The following CRACDL variants were observed in gnomAD, a reference collection of about 807,000 sequenced individuals.
CRACDL encodes the protein CRACD-like protein.
A neutral mutation model predicts 70.6 loss-of-function variants in CRACDL; 26 were observed. The observed-to-expected ratio is 0.37, with a 90% CI of 0.27 to 0.51. The LOEUF is 0.51. CRACDL is among the 20% of genes least tolerant of loss of function. The pLI is 0.94. For missense variants in CRACDL, 1,283 were observed against 1,376.9 expected, an observed-to-expected ratio of 0.93 and a Z score of 1.08; for synonymous variants, 618 against 615.2, an observed-to-expected ratio of 1.00 and a Z score of -0.07.
chr2:98,832,738 G>C, intron 4 of CRACDL, 124 bp downstream of exon 4: 1 of 1,261,352 alleles, frequency 7.9e-7, no homozygotes, highest in South Asian at 1.2e-5. Context: ...TGTCCTGGGG[G>C]AGCTGTCATG....
chr2:98,863,240 G>C (rs577530299), intron 1 of CRACDL, among the ~76,000 whole-genome samples: 1 of 152,268 alleles, frequency 6.6e-6, no homozygotes, highest in South Asian at 2.1e-4. Context: ...AAGGTAGTAG[G>C]CTGATATGTT....
intron 1 of CRACDL, among the ~76,000 whole-genome samples, chr2:98,857,839 G>GTGTGTGTGTATGTA (rs1316801400): frequency 6.6e-5 from 10 of 152,174 alleles, no homozygotes; most frequent in African/African-American, 2.4e-4. Flanking sequence ...ATGTATGTAT[G>GTGTGTGTGTATGTA]TGTATGTGTA....
chr2:98,795,077 A>ATTTTTTTT lies in CRACDL; in HGVS notation c.2750-414_2750-407dup, dbSNP rs1181969802. ...TATATATATATATATATATATATAT[A>ATTTTTTTT]TTTTTTTTTTTTTTTGAGACAGAAG... On this transcript the variant is annotated intron_variant, in intron 9 of 9. Transcript: ENST00000397899. Among the ~76,000 whole-genome samples, 191 of 58,398 alleles carry ATTTTTTTT rather than the reference A, an allele frequency of 3.3e-3. 20 individuals carry two copies. Among genetic ancestry groups the ATTTTTTTT allele is most frequent in the East Asian group, 7.4e-3 (12 of 1,632 alleles). 38.3% of individuals were successfully genotyped at this position (58,398 alleles called of 152,430 possible).
intron 7 of CRACDL, among the ~76,000 whole-genome samples, chr2:98,812,232 C>G (rs1704598045): frequency 1.3e-5 from 2 of 152,196 alleles, no homozygotes; most frequent in Admixed American, 1.3e-4. Flanking sequence ...ACCTTGGCCT[C>G]CCAAAGTGCT....
intron 1 of CRACDL, among the ~76,000 whole-genome samples, chr2:98,895,114 A>G (rs1392314932): frequency 1.3e-5 from 2 of 152,114 alleles, no homozygotes; most frequent in African/African-American, 4.8e-5. Context: ...TGTCTTAAAA[A>G]AAAACAAAAA....
chr2:98,858,205 C>T (rs752705222), intron 1 of CRACDL, among the ~76,000 whole-genome samples: 6 of 152,016 alleles, frequency 3.9e-5, no homozygotes, highest in African/African-American at 4.8e-5. Context: ...TAAACACCTA[C>T]GTAAAAAAGA....
At chr2:98,831,561 C>G (rs893749126) in intron 5 of CRACDL, among the ~76,000 whole-genome samples, 1 of 152,240 alleles carries the variant, frequency 6.6e-6, no homozygotes, top group East Asian at 1.9e-4. Flanking sequence ...AACTCCAACT[C>G]TATCCATCCT....
chr2:98,930,144 G>A (rs751964886), intron 1 of CRACDL, among the ~76,000 whole-genome samples: 4 of 152,100 alleles, frequency 2.6e-5, no homozygotes, highest in African/African-American at 7.2e-5. Context: ...ACGACGGGGC[G>A]TATGTCTTGG....
chr2:98,870,161 C>T (rs1707291493), intron 1 of CRACDL, among the ~76,000 whole-genome samples: 1 of 152,188 alleles, frequency 6.6e-6, no homozygotes, highest in Non-Finnish European at 1.5e-5. Flanking sequence ...CCAACTGCAA[C>T]CGGTACAGTC....
chr2:98,911,728 C>T (rs767566789), intron 1 of CRACDL, among the ~76,000 whole-genome samples: 5 of 152,136 alleles, frequency 3.3e-5, no homozygotes, highest in Non-Finnish European at 5.9e-5. Flanking sequence ...GGGCAGAAAC[C>T]ATCTGGCTTA....
chr2:98,832,906 C>T lies in CRACDL; in HGVS notation c.331G>A (p.Val111Met). The change falls in exon 4 of 10, where the codon GTG becomes ATG. Residue 111 changes from valine to methionine, a missense_variant. This residue lies in a region of CRACDL where 362 missense variants were observed against 495.0 expected (regional missense o/e 0.73). Transcript: ENST00000397899. ...TCACACACATTTTCTTGGGAAAACA[C>T]CCGCACAGGCCGAGTAGCGTCCTGT... ...SGQDATRPVRVFSQENVCDRI... is the reference protein window; with the variant it reads ...SGQDATRPVRMFSQENVCDRI... 6.2e-7 allele frequency: 1 copy of T among 1,614,200 alleles called. No homozygotes were observed.
intron 6 of CRACDL, among the ~76,000 whole-genome samples, chr2:98,824,717 T>C (rs1705236537): frequency 6.6e-6 from 1 of 152,254 alleles, no homozygotes; most frequent in Admixed American, 6.5e-5. Context: ...TTCTTCTTGC[T>C]GTTTGTTATT....
intron 1 of CRACDL, among the ~76,000 whole-genome samples, chr2:98,878,365 C>T (rs189528176): frequency 6.6e-6 from 1 of 152,306 alleles, no homozygotes; most frequent in African/African-American, 2.4e-5. Context: ...TACACACAAA[C>T]TTACCATTGT....
At chr2:98,846,122 AT>A (rs1056909637) in intron 2 of CRACDL, among the ~76,000 whole-genome samples, 2 of 152,160 alleles carry the variant, frequency 1.3e-5, no homozygotes, top group Non-Finnish European at 2.9e-5. Flanking sequence ...GGGGAGATTA[AT>A]TTTTTAATGT....
At chr2:98,913,410 G>A (rs1196342499) in intron 1 of CRACDL, among the ~76,000 whole-genome samples, 1 of 152,174 alleles carries the variant, frequency 6.6e-6, no homozygotes, top group Non-Finnish European at 1.5e-5. Context: ...CAGGTCCCTG[G>A]GCAGAGAGGA....
At chr2:98,863,306 C>G (rs1247992574) in intron 1 of CRACDL, among the ~76,000 whole-genome samples, 1 of 152,042 alleles carries the variant, frequency 6.6e-6, no homozygotes, top group Non-Finnish European at 1.5e-5. Flanking sequence ...GCAAAAGTAT[C>G]CTTGAAAAGT....
chr2:98,931,062 C>T (rs1164292316), intron 1 of CRACDL, among the ~76,000 whole-genome samples: 8 of 152,138 alleles, frequency 5.3e-5, no homozygotes, highest in African/African-American at 9.7e-5. Flanking sequence ...TGGTGGCTTA[C>T]GCCTGTAATC....
chr2:98,822,241 C>T lies in CRACDL; in HGVS notation c.2032G>A (p.Asp678Asn), dbSNP rs1167720040. The change falls in exon 7 of 10, where the codon GAC (aspartate) becomes AAC (asparagine). Residue 678 changes from aspartate to asparagine, a missense_variant. Around this residue, in one of 2 missense-constraint regions of CRACDL, gnomAD observed 921 missense variants for 881.9 expected, o/e 1.04. Coordinates refer to ENST00000397899, the MANE Select transcript of CRACDL (RefSeq NM_207362.3). The surrounding 1 kb of genome is among the most constrained non-coding windows in gnomAD (Gnocchi z 4.9). ...PAAQEPAPSE[D>N]RNPFPVKLRS... ...AGCTTGACGGGGAAGGGGTTTCTGT[C>T]CTCACTCGGGGCCGGCTCCTGGGCG... The T allele has an allele frequency of 5.0e-6, 8 of 1,601,964 alleles. No homozygotes were observed. The Admixed American group carries it at 6.7e-5, about 13-fold the overall frequency.
Position 98,914,140 on chromosome 2 carries a change from G to A in CRACDL, c.-11+21798C>T, listed in dbSNP as rs535698628. Among the ~76,000 whole-genome samples, 158 of 152,342 alleles carry A rather than the reference G, an allele frequency of 1.0e-3. 1 individual carries two copies. The highest frequency in any genetic ancestry group is 1.2e-3 in the Non-Finnish European group (79 of 68,024). ...TCTCATGACTAGGAGCCAGGAAGCC[G>A]AGGCAGGAGCCAGGTAGGGGGAGGA... is the stretch of plus-strand genomic sequence containing the variant. On this transcript the variant is annotated intron_variant, in intron 1 of 9. Coordinates refer to ENST00000397899, the MANE Select transcript of CRACDL (RefSeq NM_207362.3).
Sources: gnomAD v4.1 joint callset for allele counts (sites outside exome capture counted in the v4.1 genomes callset) on GRCh38, gnomAD v4.1.1 for gene constraint, gnomAD v4.1.1 regional missense constraint, Gnocchi (gnomAD v3.1) non-coding constraint, MANE v1.5 for transcripts, NCBI Gene and HGNC (gene_info 2026-07-23, HGNC 2026-07-21) for gene names.